The following SNPH variants were observed in gnomAD, a reference collection of about 807,000 sequenced individuals.
SNPH encodes the protein syntaphilin.
A neutral mutation model predicts 36.8 loss-of-function variants in SNPH; 10 were observed. The ratio of observed to expected loss-of-function variants is 0.27; its 90% CI spans 0.17 to 0.46. The LOEUF (loss-of-function observed/expected upper bound fraction) is 0.46, where lower values mean the gene tolerates loss of function less well. SNPH is among the 20% of genes least tolerant of loss of function. The probability of loss-of-function intolerance (pLI) is 1.00; values close to 1 mark genes in which losing one functional copy is unlikely to be tolerated. For missense variants in SNPH, 622 were observed against 744.0 expected, an observed-to-expected ratio of 0.84 and a Z score of 1.91; for synonymous variants, 281 against 312.2, an observed-to-expected ratio of 0.90 and a Z score of 1.05.
At chr20:1,282,828 A>T (rs1303669788) in intron 2 of SNPH, among the ~76,000 whole-genome samples, 1 of 152,130 alleles carries the variant, frequency 6.6e-6, no homozygotes, top group Admixed American at 6.5e-5. Flanking sequence ...CATTTTACAG[A>T]TGAAGTTAAA....
At position 1,296,390 on chromosome 20, in the gene SNPH, G is replaced by A; in HGVS notation, c.151G>A (p.Gly51Arg). The change falls in exon 4 of 7, where the codon GGA becomes AGA. Residue 51 changes from glycine to arginine, a missense_variant. Coordinates refer to ENST00000381867, the MANE Select transcript of SNPH (RefSeq NM_001318234.2). Reference protein sequence around the residue: ...THSLMAMSLPGSRRTSAGSRR... With the variant: ...THSLMAMSLPRSRRTSAGSRR... ...CAGCCTCATGGCCATGTCCCTGCCA[G>A]GAAGTAGACGGACCTCTGCTGGATC... 1.2e-6 allele frequency: 2 copies of A among 1,604,924 alleles called. No homozygotes were observed. Among genetic ancestry groups the A allele is most frequent in the Non-Finnish European group, 1.7e-6 (2 of 1,175,786 alleles).
chr20:1,283,801 C>T (rs557298951), intron 2 of SNPH, among the ~76,000 whole-genome samples: 1 of 152,108 alleles, frequency 6.6e-6, no homozygotes, highest in African/African-American at 2.4e-5. Flanking sequence ...GAATAGGACC[C>T]GGGGCTGTGA....
intron 2 of SNPH, among the ~76,000 whole-genome samples, chr20:1,267,926 A>G (rs2088027664): frequency 6.6e-6 from 1 of 152,228 alleles, no homozygotes; most frequent in Admixed American, 6.5e-5. Flanking sequence ...TGTGAAAATT[A>G]AATGAGATGT....
chr20:1,279,745 A>T (rs2088194237), intron 2 of SNPH, among the ~76,000 whole-genome samples: 1 of 150,972 alleles, frequency 6.6e-6, no homozygotes, highest in Non-Finnish European at 1.5e-5. Flanking sequence ...TTTTGCAAAC[A>T]GGGAGCCTAA....
intron 2 of SNPH, among the ~76,000 whole-genome samples, chr20:1,289,740 G>C (rs534713209): frequency 6.6e-6 from 1 of 151,946 alleles, no homozygotes; most frequent in Admixed American, 6.6e-5. Context: ...GAGGCAGAAG[G>C]ATCGCATGAG....
At chr20:1,273,784 A>T (rs1347123174) in intron 2 of SNPH, among the ~76,000 whole-genome samples, 1 of 152,194 alleles carries the variant, frequency 6.6e-6, no homozygotes, top group Non-Finnish European at 1.5e-5. Flanking sequence ...TAAAGATGGG[A>T]CGGAGAAAAA....
At chr20:1,279,921 G>A (rs375760204) in intron 2 of SNPH, among the ~76,000 whole-genome samples, 7 of 152,154 alleles carry the variant, frequency 4.6e-5, no homozygotes, top group African/African-American at 1.7e-4. Context: ...CCTTCCTGTG[G>A]GTGAGAGACT....
chr20:1,305,544 T>C lies in SNPH; in HGVS notation c.1107T>C (p.Leu369=). The change falls in exon 7 of 7, where the codon CTT becomes CTC. Residue 369 remains leucine (L), a synonymous_variant. Coordinates refer to ENST00000381867, the MANE Select transcript of SNPH (RefSeq NM_001318234.2). ...QTDFVQYQPD[L]DTILEKVTQA... ...ACTTCGTGCAGTACCAGCCTGACCT[T>C]GACACCATCCTGGAGAAAGTGACCC... 6.2e-7 allele frequency: 1 copy of C among 1,613,256 alleles called. No homozygotes were observed. The highest frequency in any genetic ancestry group is 8.5e-7 in the Non-Finnish European group (1 of 1,179,944).
Position 1,266,539 on chromosome 20 carries a change from C to A in SNPH, c.-599-115C>A. 8.1e-6 allele frequency: 11 copies of A among 1,356,758 alleles called. No homozygotes were observed. Among genetic ancestry groups the A allele is most frequent in the Non-Finnish European group, 1.0e-5 (11 of 1,052,048 alleles). The allele number at this position is 1,356,758 out of a possible 1,614,324, so 84.0% of individuals were successfully genotyped here. On this transcript the variant is annotated intron_variant, in intron 1 of 6. Coordinates refer to ENST00000381867, the MANE Select transcript of SNPH (RefSeq NM_001318234.2). The surrounding 1 kb of genome is among the most constrained non-coding windows in gnomAD (Gnocchi z 6.0). ...CGGAGCACCCGGCAGGCAGCCTGCC[C>A]TCCAAGCCTTCTGGCTGCAGCGGCC...
chr20:1,305,010 G>A lies in SNPH; in HGVS notation c.573G>A (p.Gln191=). The A allele has an allele frequency of 6.2e-7, 1 of 1,614,084 alleles. No homozygotes were observed. Among genetic ancestry groups the A allele is most frequent in the Non-Finnish European group, 8.5e-7 (1 of 1,180,046 alleles). The change falls in exon 7 of 7, where the codon CAG becomes CAA. Residue 191 remains glutamine (Q), a synonymous_variant. Transcript: ENST00000381867. ...EARKEIKQLK[Q]VIDTVKNNLI... ...GAAAGGAGATCAAGCAGCTCAAGCA[G>A]GTCATCGACACTGTCAAGAACAACC...
intron 2 of SNPH, among the ~76,000 whole-genome samples, chr20:1,284,129 C>A (rs1444760327): frequency 1.3e-5 from 2 of 152,166 alleles, no homozygotes; most frequent in African/African-American, 2.4e-5. Context: ...TTAGAGGGGA[C>A]CCTCTGGTGC....
At chr20:1,274,176 C>T (rs958797739) in intron 2 of SNPH, among the ~76,000 whole-genome samples, 7 of 152,026 alleles carry the variant, frequency 4.6e-5, no homozygotes, top group African/African-American at 1.7e-4. Flanking sequence ...CACAGGTATA[C>T]AGGATGTAGC....
chr20:1,293,793 G>T (rs2088393495), intron 2 of SNPH, among the ~76,000 whole-genome samples: 1 of 152,206 alleles, frequency 6.6e-6, no homozygotes, highest in South Asian at 2.1e-4. Context: ...AGGCCAGGGA[G>T]GAAGGAAGAG....
At chr20:1,297,294 G>C in intron 5 of SNPH, 42 bp downstream of exon 5, 2 of 1,587,818 alleles carry the variant, frequency 1.3e-6, no homozygotes, top group Non-Finnish European at 1.7e-6. Flanking sequence ...TGCTGGCTGG[G>C]AACAGGTTGT....
intron 5 of SNPH, 77 bp downstream of exon 5, chr20:1,297,329 C>G: frequency 7.0e-7 from 1 of 1,432,608 alleles, no homozygotes; most frequent in Non-Finnish European, 9.6e-7. Context: ...GGTAAGGGAG[C>G]AGGGTCGTGT....
chr20:1,289,641 T>C (rs1219545109), intron 2 of SNPH, among the ~76,000 whole-genome samples: 1 of 149,026 alleles, frequency 6.7e-6, no homozygotes, highest in Non-Finnish European at 1.5e-5. Flanking sequence ...GGCCAGGAGA[T>C]TGAGACCACC....
At chr20:1,268,439 A>G (rs2088033669) in intron 2 of SNPH, among the ~76,000 whole-genome samples, 2 of 151,964 alleles carry the variant, frequency 1.3e-5, no homozygotes. Context: ...TGTATTTTCG[A>G]TTCTTTATCT....
chr20:1,292,157 G>A (rs2088369986), intron 2 of SNPH, among the ~76,000 whole-genome samples: 1 of 100,662 alleles, frequency 9.9e-6, no homozygotes, highest in Non-Finnish European at 2.3e-5. Flanking sequence ...TGTTCCCTGA[G>A]TTTTAGTCTA....
intron 2 of SNPH, among the ~76,000 whole-genome samples, chr20:1,268,964 G>A (rs2088040675): frequency 6.6e-6 from 1 of 152,168 alleles, no homozygotes; most frequent in Admixed American, 6.5e-5. Context: ...TGCCTGGGAG[G>A]GTGGTGATGT....
Sources: gnomAD v4.1 joint callset for allele counts (sites outside exome capture counted in the v4.1 genomes callset) on GRCh38, gnomAD v4.1.1 for gene constraint, Gnocchi (gnomAD v3.1) non-coding constraint, MANE v1.5 for transcripts, NCBI Gene and HGNC (gene_info 2026-07-23, HGNC 2026-07-21) for gene names.